Variants in CDH6 observed in about 807,000 individuals in gnomAD.
CDH6 encodes cadherin 6.
In CDH6, 31 loss-of-function variants were observed where a neutral mutation model predicts 78.0. The ratio of observed to expected loss-of-function variants is 0.40; its 90% CI spans 0.30 to 0.54. CDH6 has a LOEUF of 0.54. CDH6 is among the 20% of genes least tolerant of loss of function. The pLI, the probability that CDH6 is intolerant of heterozygous loss-of-function variation, is 0.56. For synonymous variants in CDH6, 376 were observed against 368.8 expected, an observed-to-expected ratio of 1.02 and a Z score of -0.23; for missense variants, 724 against 975.9, an observed-to-expected ratio of 0.74 and a Z score of 3.44.
chr5:31,286,407 C>T (rs1200948812), intron 2 of CDH6, among the ~76,000 whole-genome samples: 1 of 152,130 alleles, frequency 6.6e-6, no homozygotes, highest in African/African-American at 2.4e-5. Context: ...AGACCTGGCA[C>T]AAGAGTTGGC....
At chr5:31,313,229 G>T in intron 7 of CDH6, 89 bp from the exon 8 acceptor site, 2 of 1,177,790 alleles carry the variant, frequency 1.7e-6, no homozygotes, top group South Asian at 1.5e-5. Flanking sequence ...TCTGGGATAT[G>T]ATGTGTACCA....
At chr5:31,319,004 T>C (rs1264453941) in intron 11 of CDH6, 4 of 206,146 alleles carry the variant, frequency 1.9e-5, no homozygotes, top group Non-Finnish European at 4.0e-5. Flanking sequence ...TATTTTAAGA[T>C]ATGCACATAA....
intron 1 of CDH6, among the ~76,000 whole-genome samples, chr5:31,222,972 C>T (rs916846517): frequency 2.6e-5 from 4 of 151,786 alleles, no homozygotes; most frequent in South Asian, 4.2e-4. Context: ...GCAATACCAA[C>T]TCTCTCTCTC....
Position 31,328,811 on chromosome 5 carries a change from G to A in CDH6, c.*5503G>A, listed in dbSNP as rs568126611. The A allele has an allele frequency of 9.2e-6, 2 of 218,272 alleles. No individual in the cohort carries two copies. Among genetic ancestry groups the A allele is most frequent in the Non-Finnish European group, 1.8e-5 (2 of 108,622 alleles). 13.5% of individuals were successfully genotyped at this position (218,272 alleles called of 1,614,324 possible). A position where few individuals can be genotyped will look rare whatever the true frequency, so the allele number is the denominator to read the frequency against. ...GTCTTTGGCAACAAGAACACCTGAT[G>A]AAAGCAAGCAATGCTCAGTTCCCAT... On this transcript the variant is annotated 3_prime_UTR_variant, in exon 12 of 12. Transcript: ENST00000265071.
In CDH6 at chr5:31,302,900, AAAAAAAGAAAG is replaced by A. The variant is rs1280337211; in HGVS notation, c.999+606_999+616del. Among the ~76,000 whole-genome samples, 332 of 138,152 alleles carry A rather than the reference AAAAAAAGAAAG, an allele frequency of 2.4e-3. 1 individual carries two copies. Among genetic ancestry groups the A allele is most frequent in the African/African-American group, 8.7e-3 (311 of 35,744 alleles). 90.6% of individuals were successfully genotyped at this position (138,152 alleles called of 152,430 possible). A position where few individuals can be genotyped will look rare whatever the true frequency, so the allele number is the denominator to read the frequency against. ...GAAGGAAGGAAGGAAAGAAAGAAAG[AAAAAAAGAAAG>A]AAAGAAAGAAAGAAAGAAAGAAAGA... is the stretch of plus-strand genomic sequence containing the variant. On this transcript the variant is annotated intron_variant, in intron 6 of 11. Transcript: ENST00000265071.
chr5:31,304,520 A>G (rs1323691394), intron 6 of CDH6, among the ~76,000 whole-genome samples: 1 of 151,952 alleles, frequency 6.6e-6, no homozygotes, highest in East Asian at 1.9e-4. Context: ...CCCTGTTTCT[A>G]CTAAAAATAC....
chr5:31,312,768 T>C (rs1335270887), intron 7 of CDH6, among the ~76,000 whole-genome samples: 1 of 152,096 alleles, frequency 6.6e-6, no homozygotes, highest in East Asian at 1.9e-4. Context: ...TCCAACTCCT[T>C]ATCACAGCCT....
chr5:31,229,735 A>C (rs1178404065), intron 1 of CDH6, among the ~76,000 whole-genome samples: 1 of 152,236 alleles, frequency 6.6e-6, no homozygotes, highest in East Asian at 1.9e-4. Flanking sequence ...CTGAATAAAC[A>C]TTTCTCAGTA....
Position 31,322,954 on chromosome 5 carries a change from T to C in CDH6, c.2019T>C (p.Asp673=), listed in dbSNP as rs756068520. The part of the protein sequence containing the change: ...GGGEEDTQAF[D]IGTLRNPEAI... ...GAGAGGAGGACACCCAGGCTTTTGA[T>C]ATCGGCACCCTGAGGAATCCTGAAG... The change falls in exon 12 of 12, where the codon GAT becomes GAC. Residue 673 remains aspartate, a synonymous_variant. Coordinates refer to ENST00000265071, the MANE Select transcript of CDH6 (RefSeq NM_004932.4). 4 of 1,614,176 alleles carry C rather than the reference T, an allele frequency of 2.5e-6. No individual in the cohort carries two copies. Among genetic ancestry groups the C allele is most frequent in the African/African-American group, 1.3e-5 (1 of 75,050 alleles).
chr5:31,299,674 T>C, intron 5 of CDH6, 43 bp downstream of exon 5: 1 of 1,533,616 alleles, frequency 6.5e-7, no homozygotes, highest in Non-Finnish European at 9.0e-7. Context: ...TGTGCTTTTA[T>C]AAAACTCGAA....
chr5:31,269,023 A>G (rs139050603), intron 2 of CDH6, among the ~76,000 whole-genome samples: 218 of 152,308 alleles, frequency 1.4e-3, no homozygotes, highest in Non-Finnish European at 2.7e-3. Context: ...CAGTTCAGCT[A>G]CTCGTACTTC....
intron 1 of CDH6, among the ~76,000 whole-genome samples, chr5:31,194,874 G>A (rs1017425275): frequency 6.6e-6 from 1 of 152,120 alleles, no homozygotes; most frequent in African/African-American, 2.4e-5. Flanking sequence ...ATGAGTTACC[G>A]TAGATCTCGA....
intron 1 of CDH6, among the ~76,000 whole-genome samples, chr5:31,245,899 CTTTTTTTTT>C (rs71612205): frequency 6.8e-5 from 6 of 87,668 alleles, no homozygotes; most frequent in African/African-American, 2.1e-4. Flanking sequence ...CTCTCTCTCT[CTTTTTTTTT>C]TTTTTTTTTT....
intron 1 of CDH6, among the ~76,000 whole-genome samples, chr5:31,253,280 C>T (rs1230066204): frequency 6.6e-6 from 1 of 152,186 alleles, no homozygotes; most frequent in Non-Finnish European, 1.5e-5. Flanking sequence ...GGCAGTTACC[C>T]TCATGCTGTT....
intron 1 of CDH6, among the ~76,000 whole-genome samples, chr5:31,254,857 T>C (rs1742012695): frequency 6.6e-6 from 1 of 152,170 alleles, no homozygotes; most frequent in Admixed American, 6.5e-5. Context: ...CTTTCCAATA[T>C]CAGTCTTTAC....
At chr5:31,321,066 G>A (rs1486692577) in intron 11 of CDH6, among the ~76,000 whole-genome samples, 1 of 150,722 alleles carries the variant, frequency 6.6e-6, no homozygotes, top group South Asian at 2.1e-4. Flanking sequence ...GTTCTGCTCT[G>A]CTCTTTCATG....
chr5:31,281,736 A>G (rs1742870878), intron 2 of CDH6, among the ~76,000 whole-genome samples: 1 of 152,222 alleles, frequency 6.6e-6, no homozygotes, highest in Admixed American at 6.5e-5. Flanking sequence ...GAATTTACAA[A>G]TAACTTAGCC....
chr5:31,207,221 C>T (rs947887776), intron 1 of CDH6, among the ~76,000 whole-genome samples: 1 of 152,142 alleles, frequency 6.6e-6, no homozygotes, highest in African/African-American at 2.4e-5. Context: ...TAAACATGAC[C>T]ATTAAAAGCT....
At chr5:31,319,867 T>C (rs1402823641) in intron 11 of CDH6, among the ~76,000 whole-genome samples, 1 of 152,216 alleles carries the variant, frequency 6.6e-6, no homozygotes, top group Admixed American at 6.5e-5. Context: ...AACTTTCACA[T>C]TTATTAACTC....
Sources: gnomAD v4.1 joint callset for allele counts (sites outside exome capture counted in the v4.1 genomes callset) on GRCh38, gnomAD v4.1.1 for gene constraint, MANE v1.5 for transcripts, NCBI Gene and HGNC (gene_info 2026-07-23, HGNC 2026-07-21) for gene names.